Variants in MICAL3 observed in about 807,000 individuals in gnomAD.
MICAL3 encodes the protein [F-actin]-monooxygenase MICAL3.
In MICAL3, 62 loss-of-function variants were observed where a neutral mutation model predicts 207.4. The ratio of observed to expected loss-of-function variants is 0.30; its 90% CI spans 0.24 to 0.37. The LOEUF (loss-of-function observed/expected upper bound fraction) is 0.37. Ranked by LOEUF, MICAL3 falls within the 10% of genes least tolerant of loss-of-function variation. The pLI is 1.00. For synonymous variants in MICAL3, 1,077 were observed against 1,069.3 expected, an observed-to-expected ratio of 1.01 and a Z score of -0.14; for missense variants, 2,368 against 2,635.6, an observed-to-expected ratio of 0.90 and a Z score of 2.22.
At chr22:17,958,489 C>T (rs1358764689) in intron 1 of MICAL3, among the ~76,000 whole-genome samples, 1 of 152,110 alleles carries the variant, frequency 6.6e-6, no homozygotes, top group African/African-American at 2.4e-5. Context: ...TGCACCCCAT[C>T]CTCACCCTCA....
intron 8 of MICAL3, 29 bp from the exon 9 acceptor site, chr22:17,896,390 A>T (rs764876774): frequency 7.0e-6 from 9 of 1,293,912 alleles, no homozygotes; most frequent in Admixed American, 6.0e-5. Flanking sequence ...ACAAATAATT[A>T]AAATATAACA....
chr22:17,840,126 C>A (rs1419832927), intron 20 of MICAL3: 1 of 151,952 alleles, frequency 6.6e-6, no homozygotes, highest in African/African-American at 2.4e-5. Flanking sequence ...TTCTGTCACA[C>A]AGGCTGGAGT....
chr22:17,907,102 C>T (rs143620595), intron 1 of MICAL3, among the ~76,000 whole-genome samples: 7 of 152,156 alleles, frequency 4.6e-5, no homozygotes, highest in African/African-American at 9.6e-5. Flanking sequence ...GTCTAGGAGA[C>T]GAGGCAGACA....
At chr22:17,963,038 C>CT (rs1469882025) in intron 1 of MICAL3, among the ~76,000 whole-genome samples, 1 of 152,144 alleles carries the variant, frequency 6.6e-6, no homozygotes, top group East Asian at 1.9e-4. Context: ...AGGTGTGAGC[C>CT]ACCACACCTA....
At chr22:17,898,759 T>G (rs1931083816) in intron 7 of MICAL3, among the ~76,000 whole-genome samples, 1 of 152,062 alleles carries the variant, frequency 6.6e-6, no homozygotes, top group Non-Finnish European at 1.5e-5. Flanking sequence ...TCTTCTGACT[T>G]CATATTTCAG....
intron 20 of MICAL3, among the ~76,000 whole-genome samples, chr22:17,836,528 G>A (rs1295061512): frequency 6.6e-6 from 1 of 152,134 alleles, no homozygotes; most frequent in East Asian, 1.9e-4. Flanking sequence ...TCAGGAAGAA[G>A]GTCTTGATCA....
chr22:17,918,472 T>C lies in MICAL3; in HGVS notation c.-74-11586A>G, dbSNP rs1278991410. 2.6e-5 allele frequency among the ~76,000 whole-genome samples: 4 copies of C among 152,196 alleles called. No homozygotes were observed. In the South Asian group the frequency reaches 6.2e-4, roughly 24 times the overall value. On this transcript the variant is annotated intron_variant, in intron 1 of 31. Coordinates refer to ENST00000441493, the MANE Select transcript of MICAL3 (RefSeq NM_015241.3). The stretch of plus-strand genomic sequence containing the variant: ...TCCACATTTCTGCAAATCTCTTTAA[T>C]GTGTGGCAGCCAGATTCTCCTGCCT...
intron 10 of MICAL3, 75 bp downstream of exon 10, chr22:17,895,209 C>T (rs764281822): frequency 7.0e-5 from 102 of 1,453,660 alleles, no homozygotes; most frequent in Middle Eastern, 1.7e-4. Context: ...AATAGGTGCA[C>T]GCATCTCAAC....
At chr22:17,864,312 ACAGGGCATGTCCCATCACGGTG>A in intron 19 of MICAL3, 1 of 1,146,548 alleles carries the variant, frequency 8.7e-7, no homozygotes, top group Non-Finnish European at 1.1e-6. Context: ...AGGGGTCAGG[ACAGGGCATGTCCCATCACGGTG>A]CAGGGCAGAC....
At chr22:17,862,092 C>T (rs1369641217) in intron 19 of MICAL3, 36 of 985,162 alleles carry the variant, frequency 3.7e-5, no homozygotes, top group Admixed American at 6.2e-5. Flanking sequence ...CCTCCTGGGA[C>T]GTGGGTCTAG....
At chr22:17,978,952 G>A (rs184839307) in intron 1 of MICAL3, among the ~76,000 whole-genome samples, 89 of 151,258 alleles carry the variant, frequency 5.9e-4, no homozygotes, top group Admixed American at 9.2e-4. Context: ...AAGGCGGGAG[G>A]ACTGCATGAG....
intron 1 of MICAL3, among the ~76,000 whole-genome samples, chr22:18,017,265 G>A (rs67803064): frequency 0.21 from 32,340 of 151,394 alleles, 3,929 homozygotes; most frequent in East Asian, 0.38. Context: ...CTAGGCTGGC[G>A]TGCAATGGCG....
At chr22:17,815,217 T>C (rs1371253477) in intron 27 of MICAL3, 1 of 152,588 alleles carries the variant, frequency 6.6e-6, no homozygotes, top group Non-Finnish European at 1.5e-5. Flanking sequence ...GTTTCTCCCT[T>C]GCTCCTTGTA....
Position 17,891,532 on chromosome 22 carries a change from AC to A in MICAL3, c.1646del (p.Ser549MetfsTer16). On this transcript the variant is annotated frameshift_variant, in exon 12 of 32. Coordinates refer to ENST00000441493, the MANE Select transcript of MICAL3 (RefSeq NM_015241.3). LOFTEE classifies it high-confidence loss of function. ...GGATAATTGCACAAAGGGCCAAGCC[AC>A]TTTTCCAGGACATGGTGAGATCTGT... ...NVTDLTMSWK[S>X]GLALCAIIHR... 1 of 1,614,032 alleles carries A rather than the reference AC, an allele frequency of 6.2e-7. No homozygotes were observed. The highest frequency in any genetic ancestry group is 8.5e-7 in the Non-Finnish European group (1 of 1,179,876).
chr22:17,805,188 A>C (rs1038434166), intron 29 of MICAL3, among the ~76,000 whole-genome samples: 16 of 152,028 alleles, frequency 1.1e-4, no homozygotes, highest in African/African-American at 3.6e-4. Flanking sequence ...TGATGAGAAG[A>C]CTCCAGATTA....
In MICAL3 at chr22:17,902,982, G is replaced by A. The variant is rs776928084; in HGVS notation, c.473-235C>T. 5.9e-5 allele frequency among the ~76,000 whole-genome samples: 9 copies of A among 152,320 alleles called. No homozygotes were observed. The highest frequency in any genetic ancestry group is 3.4e-3 in the Middle Eastern group (1 of 294). Reference sequence around the variant, plus strand: ...AACACACAGGACACTCCCACGTCTCGGGTTCAGTGTTTTAAACAATCAAAA... The same window carrying A: ...AACACACAGGACACTCCCACGTCTCAGGTTCAGTGTTTTAAACAATCAAAA... On this transcript the variant is annotated intron_variant, in intron 3 of 31. Coordinates refer to ENST00000441493, the MANE Select transcript of MICAL3 (RefSeq NM_015241.3). This position sits in a 1 kb window ranked among gnomAD's most constrained non-coding sequence, Gnocchi z 4.5.
chr22:17,915,106 C>CA (rs35571677), intron 1 of MICAL3, among the ~76,000 whole-genome samples: 50,469 of 151,684 alleles, frequency 0.33, 8,599 homozygotes, highest in South Asian at 0.49. Flanking sequence ...AGGAGAATCC[C>CA]AAAAAAAAGC....
At chr22:17,839,902 A>T (rs1454696650) in intron 20 of MICAL3, 1 of 147,058 alleles carries the variant, frequency 6.8e-6, no homozygotes, top group Non-Finnish European at 1.5e-5. Context: ...CATTCTGTAT[A>T]GCACTGAATG....
chr22:17,907,115 G>A (rs1451762686), intron 1 of MICAL3, among the ~76,000 whole-genome samples: 1 of 152,144 alleles, frequency 6.6e-6, no homozygotes, highest in Admixed American at 6.5e-5. Flanking sequence ...GGCAGACACA[G>A]ACACAGAATG....
Sources: allele counts gnomAD v4.1 joint callset (sites outside exome capture counted in the v4.1 genomes callset), GRCh38; gene constraint gnomAD v4.1.1; non-coding constraint Gnocchi (gnomAD v3.1); transcripts MANE v1.5; gene names NCBI Gene and HGNC (gene_info 2026-07-23, HGNC 2026-07-21).